The following MAST4 variants were observed in gnomAD, a reference collection of about 807,000 sequenced individuals.
The protein encoded by MAST4 is microtubule-associated serine/threonine-protein kinase 4.
A neutral mutation model predicts 162.7 loss-of-function variants in MAST4; 89 were observed. That is an observed-to-expected ratio of 0.55 (90% CI 0.46 to 0.65). MAST4 has a LOEUF of 0.65. Among genes scored for constraint, MAST4 ranks in the 30% least tolerant of loss-of-function variants. The pLI, the probability that MAST4 is intolerant of heterozygous loss-of-function variation, is 0.00. For synonymous variants in MAST4, 1,479 were observed against 1,361.1 expected, an observed-to-expected ratio of 1.09 and a Z score of -1.91; for missense variants, 3,153 against 3,374.0, an observed-to-expected ratio of 0.93 and a Z score of 1.62.
intron 1 of MAST4, among the ~76,000 whole-genome samples, chr5:66,621,368 G>A (rs1207327366): frequency 1.3e-5 from 2 of 152,176 alleles, no homozygotes; most frequent in Non-Finnish European, 2.9e-5. Context: ...GCTATTGTAT[G>A]AGTAGCAGTG....
rs116759702 is a variant in MAST4 at position 66,913,840 on chromosome 5, T to A, written c.674+13858T>A. Reference sequence around the variant, plus strand: ...TGGAGGGTGAGATATGGATTGAAGTTCATTTCTGCATACACGTCTCTAATC... The same window carrying A: ...TGGAGGGTGAGATATGGATTGAAGTACATTTCTGCATACACGTCTCTAATC... On this transcript the variant is annotated intron_variant, in intron 4 of 28. Transcript: ENST00000403625. Among the ~76,000 whole-genome samples the A allele has an allele frequency of 5.5e-3, 841 of 152,336 alleles. 11 individuals are homozygous for A. Among genetic ancestry groups the A allele is most frequent in the African/African-American group, 0.02 (815 of 41,572 alleles).
chr5:66,621,189 A>T (rs1405610826), intron 1 of MAST4, among the ~76,000 whole-genome samples: 7 of 152,216 alleles, frequency 4.6e-5, no homozygotes, highest in African/African-American at 1.7e-4. Context: ...CAGTAGTGTC[A>T]TGTTCATTTG....
At chr5:66,805,202 T>G (rs1419817767) in intron 3 of MAST4, among the ~76,000 whole-genome samples, 1 of 152,248 alleles carries the variant, frequency 6.6e-6, no homozygotes, top group Non-Finnish European at 1.5e-5. Flanking sequence ...TTTCCAGAGA[T>G]AGCCAGTTAT....
At chr5:66,720,625 T>C (rs1751142887) in intron 1 of MAST4, among the ~76,000 whole-genome samples, 1 of 152,142 alleles carries the variant, frequency 6.6e-6, no homozygotes, top group Non-Finnish European at 1.5e-5. Context: ...CGCAAGAGGT[T>C]TGTGTATTTT....
chr5:67,078,917 T>TATATATATAAATAAATATATATATATATA (rs1561622033), intron 5 of MAST4, among the ~76,000 whole-genome samples: 3 of 55,108 alleles, frequency 5.4e-5, no homozygotes, highest in African/African-American at 3.2e-4. Context: ...TATAAATATA[T>TATATATATAAATAAATATATATATATATA]ATATATATAT....
chr5:67,024,366 G>T (rs1754370581), intron 4 of MAST4, among the ~76,000 whole-genome samples: 1 of 147,036 alleles, frequency 6.8e-6, no homozygotes, highest in African/African-American at 2.6e-5. Flanking sequence ...CATATAGATA[G>T]CTATATATGT....
intron 19 of MAST4, among the ~76,000 whole-genome samples, chr5:67,139,244 T>C (rs1404610120): frequency 6.6e-6 from 1 of 152,196 alleles, no homozygotes; most frequent in Admixed American, 6.5e-5. Context: ...ATTTAATGCA[T>C]ATTTAGTGGG....
rs568344489 is a variant in MAST4 at position 67,089,844 on chromosome 5, T to C, written c.764-318T>C. 1.1e-3 allele frequency among the ~76,000 whole-genome samples: 173 copies of C among 152,330 alleles called. 1 individual carries two copies. Among genetic ancestry groups the C allele is most frequent in the African/African-American group, 3.9e-3 (163 of 41,576 alleles). ...TCTGGAGGGTCACAACCAAGACTTGTATATATTCATTACTCTATCAGATTG... is the reference window on the plus strand; with the variant it reads ...TCTGGAGGGTCACAACCAAGACTTGCATATATTCATTACTCTATCAGATTG... On this transcript the variant is annotated intron_variant, in intron 5 of 28. Coordinates refer to ENST00000403625, the MANE Select transcript of MAST4 (RefSeq NM_001164664.2).
rs530576186 is a variant in MAST4, at chr5:66,635,946, G to GTTT, written c.363+38955_363+38957dup. ...AAAATCACTGCATAAGATAGAGACT[G>GTTT]TTTTTTTTTTTTTTTTTTTTTTTTT... On this transcript the variant is annotated intron_variant, in intron 1 of 28. Coordinates refer to ENST00000403625, the MANE Select transcript of MAST4 (RefSeq NM_001164664.2). Among the ~76,000 whole-genome samples, 147 of 41,302 alleles carry GTTT rather than the reference G, an allele frequency of 3.6e-3. 49 individuals carry two copies. Among genetic ancestry groups the GTTT allele is most frequent in the South Asian group, 0.015 (11 of 752 alleles). 27.1% of individuals were successfully genotyped at this position (41,302 alleles called of 152,430 possible).
intron 1 of MAST4, chr5:66,738,356 A>T (rs1752269812): frequency 6.6e-6 from 1 of 152,402 alleles, no homozygotes; most frequent in African/African-American, 2.4e-5. Context: ...AGACTTTGTC[A>T]CCTGGCCCTG....
At position 67,149,516 on chromosome 5, in the gene MAST4, A is replaced by G. The variant is rs766656235; in HGVS notation, c.3222A>G (p.Thr1074=). 6.2e-7 allele frequency: 1 copy of G among 1,613,870 alleles called. No individual in the cohort carries two copies. Among genetic ancestry groups the G allele is most frequent in the Non-Finnish European group, 8.5e-7 (1 of 1,179,856 alleles). The change falls in exon 24 of 29, where the codon ACA becomes ACG. Residue 1074 remains threonine (T), a synonymous_variant. Transcript: ENST00000403625. The part of the protein sequence containing the change: ...SHMARQRLES[T]EKKKISGKVT... Reference sequence around the variant, plus strand: ...TGGCTCGGCAGCGATTAGAAAGCACAGAAAAAAAGAAAATCTCGGGGAAAG... The same window carrying G: ...TGGCTCGGCAGCGATTAGAAAGCACGGAAAAAAAGAAAATCTCGGGGAAAG...
chr5:66,954,688 C>T (rs1361202684), intron 4 of MAST4, among the ~76,000 whole-genome samples: 1 of 151,934 alleles, frequency 6.6e-6, no homozygotes, highest in Non-Finnish European at 1.5e-5. Context: ...ATCACATGAG[C>T]CCAGGAGTTC....
chr5:67,166,613 C>CA lies in MAST4; in HGVS notation c.7435dup (p.Ser2479LysfsTer25), dbSNP rs1774017547. On this transcript the variant is annotated frameshift_variant, in exon 29 of 29. Transcript: ENST00000403625. LOFTEE classifies it low-confidence loss of function (END_TRUNC). ...CCGGAGTTAGAGAGGCCTCTGCAGC[C>CA]AGCAGCGACACCTCTTCTGCCAAGG... 6.2e-7 allele frequency: 1 copy of CA among 1,600,620 alleles called. No homozygotes were observed. Among genetic ancestry groups the CA allele is most frequent in the Non-Finnish European group, 8.5e-7 (1 of 1,174,044 alleles).
chr5:67,031,215 C>T (rs1000592438), intron 4 of MAST4, among the ~76,000 whole-genome samples: 1 of 152,138 alleles, frequency 6.6e-6, no homozygotes, highest in African/African-American at 2.4e-5. Context: ...CTGCTTTCCT[C>T]TGCATAGATA....
At chr5:66,743,946 C>T (rs1399536441) in intron 1 of MAST4, among the ~76,000 whole-genome samples, 1 of 152,140 alleles carries the variant, frequency 6.6e-6, no homozygotes, top group African/African-American at 2.4e-5. Flanking sequence ...GGGCACAGCT[C>T]TGGGGAACTC....
chr5:66,730,387 C>T (rs1444403441), intron 1 of MAST4, among the ~76,000 whole-genome samples: 1 of 152,100 alleles, frequency 6.6e-6, no homozygotes, highest in African/African-American at 2.4e-5. Context: ...CCCCCCAACC[C>T]CCTCTACTGT....
At chr5:67,012,232 G>C (rs1037368035) in intron 4 of MAST4, among the ~76,000 whole-genome samples, 1 of 152,220 alleles carries the variant, frequency 6.6e-6, no homozygotes, top group Non-Finnish European at 1.5e-5. Flanking sequence ...ATTGACAGGT[G>C]TTGGGGTCAA....
intron 4 of MAST4, among the ~76,000 whole-genome samples, chr5:66,949,911 A>G (rs540742576): frequency 2.0e-5 from 3 of 152,296 alleles, no homozygotes; most frequent in African/African-American, 7.2e-5. Context: ...GAGGGAGTAT[A>G]TTTGAGAAGT....
chr5:66,920,616 G>A (rs1483203945), intron 4 of MAST4, among the ~76,000 whole-genome samples: 2 of 151,856 alleles, frequency 1.3e-5, no homozygotes, highest in Non-Finnish European at 1.5e-5. Context: ...TCAGCCTCCC[G>A]AGTAGCTGGG....
Sources: allele counts gnomAD v4.1 joint callset (sites outside exome capture counted in the v4.1 genomes callset), GRCh38; gene constraint gnomAD v4.1.1; transcripts MANE v1.5; gene names NCBI Gene and HGNC (gene_info 2026-07-23, HGNC 2026-07-21).